Variants in PHACTR3 observed in about 807,000 individuals in gnomAD.
The protein encoded by PHACTR3 is phosphatase and actin regulator 3.
PHACTR3 carries 16 observed loss-of-function variants against 66.8 expected under a neutral mutation model. The observed-to-expected ratio is 0.24, with a 90% CI of 0.16 to 0.36. The LOEUF (loss-of-function observed/expected upper bound fraction) is 0.36, where lower values mean the gene tolerates loss of function less well. Among genes scored for constraint, PHACTR3 ranks in the 10% least tolerant of loss-of-function variants. The pLI is 1.00. For synonymous variants in PHACTR3, 323 were observed against 292.1 expected, an observed-to-expected ratio of 1.11 and a Z score of -1.08; for missense variants, 647 against 719.9, an observed-to-expected ratio of 0.90 and a Z score of 1.16.
chr20:59,739,819 C>T (rs2039086313), intron 1 of PHACTR3, among the ~76,000 whole-genome samples: 1 of 152,018 alleles, frequency 6.6e-6, no homozygotes, highest in South Asian at 2.1e-4. Flanking sequence ...ATCCTCTTGT[C>T]TTGGTGTCCC....
intron 1 of PHACTR3, among the ~76,000 whole-genome samples, chr20:59,631,195 A>G (rs998591421): frequency 2.6e-5 from 4 of 152,276 alleles, no homozygotes; most frequent in Admixed American, 1.3e-4. Context: ...CTTGGTTGCC[A>G]TAATTATCAA....
chr20:59,579,869 T>C (rs1419249699), intron 1 of PHACTR3, among the ~76,000 whole-genome samples: 1 of 151,890 alleles, frequency 6.6e-6, no homozygotes, highest in Non-Finnish European at 1.5e-5. Context: ...GGTGGTGCTG[T>C]TTATGGGGGT....
At position 59,768,539 on chromosome 20, in the gene PHACTR3, A is replaced by G. The variant is rs530654162; in HGVS notation, c.751+1144A>G. Among the ~76,000 whole-genome samples, 323 of 152,334 alleles carry G rather than the reference A, an allele frequency of 2.1e-3. 4 individuals are homozygous for G. Among genetic ancestry groups the G allele is most frequent in the African/African-American group, 7.7e-3 (319 of 41,582 alleles). On this transcript the variant is annotated intron_variant, in intron 5 of 12. Transcript: ENST00000371015. ...GCTTGTTGCTACCACACGTGTGGCC[A>G]GGGGCTGGTGCCCTCCCCTCTGCGA...
At chr20:59,699,991 A>G (rs79251106) in intron 1 of PHACTR3, among the ~76,000 whole-genome samples, 4,146 of 152,290 alleles carry the variant, frequency 0.027, 163 homozygotes, top group African/African-American at 0.088. Flanking sequence ...AGAAGGGAAA[A>G]GTTAAGTTTG....
chr20:59,775,272 G>A (rs943515485), intron 7 of PHACTR3, among the ~76,000 whole-genome samples: 6 of 152,164 alleles, frequency 3.9e-5, no homozygotes, highest in Admixed American at 2.6e-4. Context: ...GGTCCAGGGC[G>A]GCCGTGGTGT....
At chr20:59,774,161 T>G in intron 6 of PHACTR3, 82 bp from the exon 7 acceptor site, 1 of 1,500,716 alleles carries the variant, frequency 6.7e-7, no homozygotes, top group Non-Finnish European at 8.9e-7. Context: ...TCTGTGATAT[T>G]CATTATAAGC....
intron 1 of PHACTR3, among the ~76,000 whole-genome samples, chr20:59,652,480 G>A (rs1366201664): frequency 6.6e-6 from 1 of 152,194 alleles, no homozygotes; most frequent in East Asian, 1.9e-4. Context: ...GAGCCCTAAA[G>A]TTCAAGGCTG....
At chr20:59,649,956 T>C (rs1472901642) in intron 1 of PHACTR3, among the ~76,000 whole-genome samples, 1 of 152,136 alleles carries the variant, frequency 6.6e-6, no homozygotes, top group Non-Finnish European at 1.5e-5. Flanking sequence ...TGGAAATAGA[T>C]ATAAAGGGAT....
At chr20:59,839,498 G>T (rs2059019413) in intron 9 of PHACTR3, among the ~76,000 whole-genome samples, 1 of 152,188 alleles carries the variant, frequency 6.6e-6, no homozygotes, top group South Asian at 2.1e-4. Context: ...AGTGCTGATT[G>T]TTGAAATCTC....
At chr20:59,835,188 G>A (rs2042489771) in intron 8 of PHACTR3, among the ~76,000 whole-genome samples, 1 of 152,154 alleles carries the variant, frequency 6.6e-6, no homozygotes, top group Admixed American at 6.5e-5. Context: ...CCTTTGGGGT[G>A]TTTTGACTAG....
rs2041358302 is a variant in PHACTR3 at position 59,799,733 on chromosome 20, G to C, written c.1175-6308G>C. Among the ~76,000 whole-genome samples, 4 of 151,962 alleles carry C rather than the reference G, an allele frequency of 2.6e-5. No homozygotes were observed. The South Asian group carries it at 8.3e-4, about 31-fold the overall frequency. On this transcript the variant is annotated intron_variant, in intron 7 of 12. Transcript: ENST00000371015. ...AGACTTGTTGGCAGCACATAGTTTT[G>C]TCTCATGTTTTAATCCATTCTGAAA...
At chr20:59,649,096 A>G (rs892776812) in intron 1 of PHACTR3, among the ~76,000 whole-genome samples, 13 of 152,158 alleles carry the variant, frequency 8.5e-5, no homozygotes, top group Non-Finnish European at 1.8e-4. Context: ...ACAATTGTTT[A>G]TTTACTTGAG....
At chr20:59,622,980 C>CCAAAAAAAAAAAAAAAAAAAAAAAA (rs2034299999) in intron 1 of PHACTR3, among the ~76,000 whole-genome samples, 1 of 2,738 alleles carries the variant, frequency 3.7e-4, no homozygotes, top group Non-Finnish European at 6.5e-4. Flanking sequence ...GCAGCTTTAA[C>CCAAAAAAAAAAAAAAAAAAAAAAAA]CAAAAAAAAA....
intron 8 of PHACTR3, among the ~76,000 whole-genome samples, chr20:59,821,776 T>C (rs535782292): frequency 6.6e-6 from 1 of 152,018 alleles, no homozygotes; most frequent in African/African-American, 2.4e-5. Flanking sequence ...GTTTGAGGAG[T>C]GCATGTGGAT....
chr20:59,665,197 T>A (rs2035943484), intron 1 of PHACTR3, among the ~76,000 whole-genome samples: 1 of 152,234 alleles, frequency 6.6e-6, no homozygotes, highest in Non-Finnish European at 1.5e-5. Flanking sequence ...ATTTTCAGTG[T>A]GATTACTAAT....
intron 3 of PHACTR3, among the ~76,000 whole-genome samples, chr20:59,751,771 G>A (rs774735174): frequency 6.6e-6 from 1 of 152,068 alleles, no homozygotes; most frequent in Non-Finnish European, 1.5e-5. Context: ...TGTGTGCAGT[G>A]GAGCCCGTTG....
intron 1 of PHACTR3, among the ~76,000 whole-genome samples, chr20:59,586,381 C>T (rs1196404322): frequency 6.6e-6 from 1 of 152,232 alleles, no homozygotes; most frequent in Non-Finnish European, 1.5e-5. Flanking sequence ...ATCCCCTTAA[C>T]GACCCTAATT....
chr20:59,633,191 C>T (rs1006392845), intron 1 of PHACTR3, among the ~76,000 whole-genome samples: 2 of 152,210 alleles, frequency 1.3e-5, no homozygotes, highest in Non-Finnish European at 2.9e-5. Flanking sequence ...TCTATAAAGA[C>T]ATATGCATAC....
chr20:59,847,128 T>C lies in PHACTR3; in HGVS notation c.1678T>C (p.Ter560GlnextTer13). ...TATAATCTCTAGATTCCACAGGCCA[T>C]AGAGATTTTCTTCTGAGAAGAATTT... ...SKHLTRFHRP[*>Q] The change falls in exon 13 of 13, where the codon TAG becomes CAG. Residue 560 changes from the stop codon to glutamine (Q), a stop_lost. Coordinates refer to ENST00000371015, the MANE Select transcript of PHACTR3 (RefSeq NM_080672.5). The C allele has an allele frequency of 6.6e-7, 1 of 1,518,558 alleles. No homozygotes were observed. Among genetic ancestry groups the C allele is most frequent in the Non-Finnish European group, 9.1e-7 (1 of 1,099,244 alleles). The allele number at this position is 1,518,558 out of a possible 1,614,324, so 94.1% of individuals were successfully genotyped here.
Sources: gnomAD v4.1 joint callset for allele counts (sites outside exome capture counted in the v4.1 genomes callset) on GRCh38, gnomAD v4.1.1 for gene constraint, MANE v1.5 for transcripts, NCBI Gene and HGNC (gene_info 2026-07-23, HGNC 2026-07-21) for gene names.